CASK: variants seen among roughly 807,000 people sequenced by gnomAD.
CASK encodes the protein peripheral plasma membrane protein CASK.
A neutral mutation model predicts 82.9 loss-of-function variants in CASK; 4 were observed. The ratio of observed to expected loss-of-function variants is 0.05; its 90% CI spans 0.02 to 0.11. The LOEUF is 0.11. Ranked by LOEUF, CASK falls within the 10% of genes least tolerant of loss-of-function variation. The pLI is 1.00. For missense variants in CASK, 358 were observed against 720.9 expected, an observed-to-expected ratio of 0.50 and a Z score of 5.76; for synonymous variants, 259 against 253.5, an observed-to-expected ratio of 1.02 and a Z score of -0.20.
intron 1 of CASK, among the ~76,000 whole-genome samples, chrX:41,900,934 T>C (rs1256615232): frequency 3.7e-5 from 4 of 109,049 alleles, no homozygotes; most frequent in African/African-American, 1.3e-4. Flanking sequence ...TTAGTAGAGA[T>C]GAGGTTTCAC....
At chrX:41,602,770 A>G (rs1000078079) in intron 12 of CASK, among the ~76,000 whole-genome samples, 3 of 108,208 alleles carry the variant, frequency 2.8e-5, no homozygotes, top group Non-Finnish European at 3.8e-5. Flanking sequence ...ACATTAAGAA[A>G]GAAGGAAAAA....
intron 12 of CASK, among the ~76,000 whole-genome samples, chrX:41,601,710 C>A (rs1394841685): frequency 9.0e-6 from 1 of 111,483 alleles, no homozygotes. Flanking sequence ...TCTAAGAACT[C>A]TTTGCCTAAC....
chrX:41,661,552 G>A (rs1191876526), intron 7 of CASK, among the ~76,000 whole-genome samples: 1 of 111,589 alleles, frequency 9.0e-6, no homozygotes, highest in East Asian at 2.8e-4. Context: ...CAGTATAAAT[G>A]AATCATCACA....
chrX:41,660,550 C>T lies in CASK; in HGVS notation c.720G>A (p.Arg240=). 8.3e-7 allele frequency: 1 copy of T among 1,204,964 alleles called. No individual in the cohort carries two copies. The highest frequency in any genetic ancestry group is 1.1e-6 in the Non-Finnish European group (1 of 889,294). The change falls in exon 8 of 27, where the codon AGG becomes AGA. Residue 240 remains arginine, a synonymous_variant. Coordinates refer to ENST00000378163, the MANE Select transcript of CASK (RefSeq NM_001367721.1). ...CACTTTCAGAGATATGGCTCCACTG[C>T]CTTGGATTCATCTGAGGAGGAGGAA... ...IIKGKYKMNP[R]QWSHISESAK...
In CASK at chrX:41,822,738, TGTC is replaced by T. The variant is rs780866152; in HGVS notation, c.172+30374_172+30376del. On this transcript the variant is annotated intron_variant, in intron 2 of 26. Transcript: ENST00000378163. ...CATACTATTGTCCCTCTTACGGTGA[TGTC>T]GTGAAAACTATTGTGACTGGTGAGG... Among the ~76,000 whole-genome samples the T allele has an allele frequency of 1.6e-3, 171 of 109,772 alleles. 1 individual carries two copies. Among genetic ancestry groups the T allele is most frequent in the African/African-American group, 5.4e-3 (162 of 30,112 alleles).
At chrX:41,687,260 C>T (rs1468569093) in intron 5 of CASK, among the ~76,000 whole-genome samples, 1 of 112,329 alleles carries the variant, frequency 8.9e-6, no homozygotes, top group African/African-American at 3.2e-5. Context: ...TACTCATGTT[C>T]ACTGCAGCAT....
intron 5 of CASK, among the ~76,000 whole-genome samples, chrX:41,738,823 A>G (rs1267500047): frequency 9.0e-6 from 1 of 111,564 alleles, no homozygotes; most frequent in Non-Finnish European, 1.9e-5. Flanking sequence ...GACACCGTTA[A>G]AGAACCAGGA....
At chrX:41,638,919 C>G (rs2066601690) in intron 8 of CASK, among the ~76,000 whole-genome samples, 1 of 111,089 alleles carries the variant, frequency 9.0e-6, no homozygotes, top group East Asian at 2.8e-4. Context: ...TATTGCATAA[C>G]AGTGAGGTTT....
rs1212152844 is a variant in CASK, at chrX:41,829,612, T to G, written c.172+23503A>C. Among the ~76,000 whole-genome samples, 13 of 27,231 alleles carry G rather than the reference T, an allele frequency of 4.8e-4. 1 individual carries two copies. Among genetic ancestry groups the G allele is most frequent in the South Asian group, 5.7e-3 (2 of 353 alleles). 23.6% of individuals were successfully genotyped at this position (27,231 alleles called of 115,157 possible). A position where few individuals can be genotyped will look rare whatever the true frequency, so the allele number is the denominator to read the frequency against. On this transcript the variant is annotated intron_variant, in intron 2 of 26. Coordinates refer to ENST00000378163, the MANE Select transcript of CASK (RefSeq NM_001367721.1). ...AATTCTTGTACATGTTTTTGTTTTT[T>G]TTTTTTTTGGGGGGGTGGGGGTGAA...
In CASK at chrX:41,561,519, A is replaced by G. The variant is rs1274850793; in HGVS notation, c.1668+40T>C. 3 of 948,425 alleles carry G rather than the reference A, an allele frequency of 3.2e-6. No individual in the cohort carries two copies. The Admixed American group carries it at 6.7e-5, about 21-fold the overall frequency. The allele number at this position is 948,425 out of a possible 1,213,427, so 78.2% of individuals were successfully genotyped here. A position where few individuals can be genotyped will look rare whatever the true frequency, so the allele number is the denominator to read the frequency against. The stretch of plus-strand genomic sequence containing the variant: ...TATTTAAAAACAAGCTAACAAAGTA[A>G]AAGTCAATTTTAGGAAAGGAAAAAC... On this transcript the variant is annotated intron_variant, in intron 17 of 26. Coordinates refer to ENST00000378163, the MANE Select transcript of CASK (RefSeq NM_001367721.1).
intron 1 of CASK, among the ~76,000 whole-genome samples, chrX:41,858,018 C>T (rs1172365728): frequency 2.7e-5 from 3 of 112,488 alleles, no homozygotes; most frequent in Non-Finnish European, 5.6e-5. Flanking sequence ...ACCATAAGGA[C>T]ATTTTCAGAC....
chrX:41,579,177 G>A (rs1157418520), intron 14 of CASK, among the ~76,000 whole-genome samples: 2 of 111,731 alleles, frequency 1.8e-5, no homozygotes, highest in Non-Finnish European at 1.9e-5. Context: ...TTACAATGAC[G>A]CTTTTATATA....
intron 9 of CASK, among the ~76,000 whole-genome samples, chrX:41,633,053 AAAAAATAAT>A (rs201877421): frequency 0.096 from 10,099 of 104,846 alleles, 497 homozygotes; most frequent in Non-Finnish European, 0.14. Flanking sequence ...AAAAAAAAAA[AAAAAATAAT>A]AATAATAATA....
At chrX:41,725,987 G>A (rs1037280492) in intron 5 of CASK, among the ~76,000 whole-genome samples, 1 of 112,380 alleles carries the variant, frequency 8.9e-6, no homozygotes, top group Non-Finnish European at 1.9e-5. Context: ...AAGTAGCTGG[G>A]ACTCCAGGCA....
chrX:41,644,481 G>A (rs1360049585), intron 8 of CASK, among the ~76,000 whole-genome samples: 1 of 111,712 alleles, frequency 9.0e-6, no homozygotes, highest in African/African-American at 3.2e-5. Flanking sequence ...CGAGAAAGAT[G>A]TATGTCACCT....
At chrX:41,844,392 T>C (rs914471782) in intron 2 of CASK, among the ~76,000 whole-genome samples, 11 of 111,942 alleles carry the variant, frequency 9.8e-5, no homozygotes, top group African/African-American at 3.2e-4. Flanking sequence ...TATTTCTTAT[T>C]ACAGGTTTAC....
chrX:41,750,042 G>A (rs1160984487), intron 3 of CASK, among the ~76,000 whole-genome samples: 1 of 110,067 alleles, frequency 9.1e-6, no homozygotes, highest in Non-Finnish European at 1.9e-5. Context: ...AACCACCTGT[G>A]CAACTTAGTA....
At chrX:41,648,987 G>A (rs975000966) in intron 8 of CASK, among the ~76,000 whole-genome samples, 2 of 111,433 alleles carry the variant, frequency 1.8e-5, no homozygotes, top group Non-Finnish European at 3.8e-5. Flanking sequence ...TCTTGGGAGG[G>A]TGTATGTGTC....
chrX:41,683,595 C>A (rs1277575616), intron 5 of CASK: 2 of 112,137 alleles, frequency 1.8e-5, no homozygotes, highest in East Asian at 5.6e-4. Context: ...TCACTTGAGG[C>A]TCCCTTGATG....
Sources: gnomAD v4.1 joint callset for allele counts (sites outside exome capture counted in the v4.1 genomes callset) on GRCh38, gnomAD v4.1.1 for gene constraint, MANE v1.5 for transcripts, NCBI Gene and HGNC (gene_info 2026-07-23, HGNC 2026-07-21) for gene names.